Variants in KCTD16 observed in about 807,000 individuals in gnomAD.
The protein encoded by KCTD16 is potassium channel tetramerization domain containing 16.
A neutral mutation model predicts 33.2 loss-of-function variants in KCTD16; 13 were observed. That is an observed-to-expected ratio of 0.39 (90% CI 0.25 to 0.62). The LOEUF (loss-of-function observed/expected upper bound fraction) is 0.62, where lower values mean the gene tolerates loss of function less well. Ranked by LOEUF, KCTD16 falls within the 20% of genes least tolerant of loss-of-function variation. The pLI, the probability that KCTD16 is intolerant of heterozygous loss-of-function variation, is 0.50. For missense variants in KCTD16, 441 were observed against 525.1 expected (o/e 0.84, Z 1.57); for synonymous variants, 197 against 195.3 (o/e 1.01, Z -0.07).
intron 3 of KCTD16, among the ~76,000 whole-genome samples, chr5:144,382,901 C>T (rs1418632932): frequency 6.6e-6 from 1 of 152,228 alleles, no homozygotes; most frequent in East Asian, 1.9e-4. Flanking sequence ...TTGCTTTGCC[C>T]AACTTGTGCA....
chr5:144,394,215 A>G (rs955276620), intron 3 of KCTD16, among the ~76,000 whole-genome samples: 1 of 151,694 alleles, frequency 6.6e-6, no homozygotes, highest in African/African-American at 2.4e-5. Flanking sequence ...ATTTTCTGCC[A>G]CTCATGGATC....
intron 3 of KCTD16, among the ~76,000 whole-genome samples, chr5:144,285,692 C>A (rs1755725436): frequency 6.6e-6 from 1 of 152,154 alleles, no homozygotes; most frequent in Admixed American, 6.5e-5. Flanking sequence ...ATGAAAGAAG[C>A]ATTTCTATTT....
At chr5:144,273,112 C>T (rs749392296) in intron 3 of KCTD16, among the ~76,000 whole-genome samples, 2 of 152,002 alleles carry the variant, frequency 1.3e-5, no homozygotes, top group African/African-American at 2.4e-5. Context: ...ATAGTGAACT[C>T]CTAAAACTCA....
chr5:144,417,760 T>A (rs573035799), intron 3 of KCTD16, among the ~76,000 whole-genome samples: 57 of 151,998 alleles, frequency 3.8e-4, no homozygotes, highest in South Asian at 3.5e-3. Flanking sequence ...TCCTTTTGAG[T>A]TTTTTTTGGG....
At chr5:144,271,516 A>G (rs1241261310) in intron 3 of KCTD16, among the ~76,000 whole-genome samples, 1 of 152,128 alleles carries the variant, frequency 6.6e-6, no homozygotes, top group Non-Finnish European at 1.5e-5. Flanking sequence ...AATATAAGCC[A>G]TATATGAAAA....
chr5:144,380,321 C>G (rs1379028439), intron 3 of KCTD16, among the ~76,000 whole-genome samples: 1 of 151,810 alleles, frequency 6.6e-6, no homozygotes, highest in Non-Finnish European at 1.5e-5. Context: ...TTACAAAACA[C>G]CACTGAAAAA....
At chr5:144,455,724 G>A (rs925722040) in intron 3 of KCTD16, among the ~76,000 whole-genome samples, 6 of 152,166 alleles carry the variant, frequency 3.9e-5, no homozygotes, top group Non-Finnish European at 8.8e-5. Flanking sequence ...AGACTGCCAA[G>A]TTTAGAGAGG....
chr5:144,176,563 C>T (rs981140632), intron 2 of KCTD16, among the ~76,000 whole-genome samples: 1 of 150,884 alleles, frequency 6.6e-6, no homozygotes, highest in Non-Finnish European at 1.5e-5. Flanking sequence ...CCACCGCGCC[C>T]GGCTAATTTT....
At chr5:144,343,283 A>G (rs1466211640) in intron 3 of KCTD16, among the ~76,000 whole-genome samples, 1 of 151,972 alleles carries the variant, frequency 6.6e-6, no homozygotes, top group East Asian at 1.9e-4. Flanking sequence ...TCAGAGATTC[A>G]ACTTCTTCCT....
At chr5:144,470,548 G>A (rs1754446175) in intron 3 of KCTD16, among the ~76,000 whole-genome samples, 1 of 152,076 alleles carries the variant, frequency 6.6e-6, no homozygotes, top group Non-Finnish European at 1.5e-5. Context: ...GACTTCAGAA[G>A]CCATCTCATA....
chr5:144,266,772 C>T (rs767707371), intron 3 of KCTD16, among the ~76,000 whole-genome samples: 13 of 146,558 alleles, frequency 8.9e-5, no homozygotes, highest in South Asian at 2.1e-4. Flanking sequence ...GCTAATCACA[C>T]AAGATTTCTA....
At chr5:144,398,861 G>A (rs1341573953) in intron 3 of KCTD16, among the ~76,000 whole-genome samples, 1 of 152,002 alleles carries the variant, frequency 6.6e-6, no homozygotes, top group East Asian at 1.9e-4. Flanking sequence ...AAACACCACT[G>A]TGCTTTTTGT....
At chr5:144,316,336 T>A (rs1751911732) in intron 3 of KCTD16, among the ~76,000 whole-genome samples, 1 of 152,106 alleles carries the variant, frequency 6.6e-6, no homozygotes, top group African/African-American at 2.4e-5. Context: ...GAACTCTACC[T>A]ACTAGGTAAC....
At chr5:144,354,061 G>A (rs181460444) in intron 3 of KCTD16, among the ~76,000 whole-genome samples, 175 of 152,032 alleles carry the variant, frequency 1.2e-3, no homozygotes, top group African/African-American at 3.3e-3. Flanking sequence ...TTAAAATGTG[G>A]GGTGAAATCA....
At chr5:144,354,221 A>AAT (rs938411472) in intron 3 of KCTD16, among the ~76,000 whole-genome samples, 176 of 151,680 alleles carry the variant, frequency 1.2e-3, no homozygotes, top group Middle Eastern at 3.4e-3. Context: ...TGTTCAATTC[A>AAT]ATATATATAT....
At chr5:144,244,065 A>G (rs1169706339) in intron 3 of KCTD16, among the ~76,000 whole-genome samples, 2 of 152,082 alleles carry the variant, frequency 1.3e-5, no homozygotes, top group African/African-American at 4.8e-5. Flanking sequence ...TTTTCTATTT[A>G]TGGCATGTAA....
chr5:144,348,126 T>C, intron 3 of KCTD16, among the ~76,000 whole-genome samples: 1 of 152,182 alleles, frequency 6.6e-6, no homozygotes, highest in East Asian at 1.9e-4. Flanking sequence ...CTTTCCTATC[T>C]TTCTACCTCC....
chr5:144,269,681 C>T (rs892771663), intron 3 of KCTD16, among the ~76,000 whole-genome samples: 1 of 152,028 alleles, frequency 6.6e-6, no homozygotes, highest in African/African-American at 2.4e-5. Flanking sequence ...AAGGTAAATA[C>T]AGGGGCCGTT....
chr5:144,249,429 C>T (rs544849533), intron 3 of KCTD16, among the ~76,000 whole-genome samples: 41 of 152,190 alleles, frequency 2.7e-4, no homozygotes, highest in African/African-American at 9.6e-4. Context: ...TTCCCCTCCC[C>T]TCTCCCACAA....
Sources: gnomAD v4.1 joint callset for allele counts (sites outside exome capture counted in the v4.1 genomes callset) on GRCh38, gnomAD v4.1.1 for gene constraint, MANE v1.5 for transcripts, NCBI Gene and HGNC (gene_info 2026-07-23, HGNC 2026-07-21) for gene names.